GPC5: variants seen among roughly 807,000 people sequenced by gnomAD.
The protein encoded by GPC5 is glypican 5.
A neutral mutation model predicts 53.9 loss-of-function variants in GPC5; 47 were observed. The observed-to-expected ratio is 0.87, with a 90% CI of 0.69 to 1.11. GPC5 has a LOEUF of 1.11. Ranked by LOEUF, GPC5 falls within the 50% of genes most tolerant of loss-of-function variation. The pLI, the probability that GPC5 is intolerant of heterozygous loss-of-function variation, is 0.00. For missense variants in GPC5, 748 were observed against 713.1 expected (o/e 1.05, Z -0.56); for synonymous variants, 286 against 263.3 (o/e 1.09, Z -0.84).
chr13:91,603,202 G>A (rs117153965), intron 2 of GPC5, among the ~76,000 whole-genome samples: 6 of 152,208 alleles, frequency 3.9e-5, no homozygotes, highest in African/African-American at 9.6e-5. Flanking sequence ...TGTTTGAACC[G>A]TTTCTCATCC....
In GPC5 at chr13:92,084,808, G is replaced by A. The variant is rs145630693; in HGVS notation, c.1402-60022G>A. The stretch of plus-strand genomic sequence containing the variant: ...AACATGAGTGTTTTCCTTGTCATTG[G>A]TGTGGTACCTTGCATTTTCAAGTTG... On this transcript the variant is annotated intron_variant, in intron 6 of 7. Coordinates refer to ENST00000377067, the MANE Select transcript of GPC5 (RefSeq NM_004466.6). Among the ~76,000 whole-genome samples the A allele has an allele frequency of 2.1e-3, 320 of 152,250 alleles. 2 individuals carry two copies. The highest frequency in any genetic ancestry group is 7.3e-3 in the African/African-American group (302 of 41,540).
intron 7 of GPC5, among the ~76,000 whole-genome samples, chr13:92,416,297 G>A (rs1876287185): frequency 6.6e-6 from 1 of 152,166 alleles, no homozygotes; most frequent in South Asian, 2.1e-4. Context: ...TTTGAAGAAA[G>A]AAGGGATAGT....
In GPC5 at chr13:92,866,513, G is replaced by T; in HGVS notation, c.*74G>T. 8.5e-7 allele frequency: 1 copy of T among 1,176,760 alleles called. No individual in the cohort carries two copies. Among genetic ancestry groups the T allele is most frequent in the Non-Finnish European group, 1.1e-6 (1 of 871,126 alleles). The allele number at this position is 1,176,760 out of a possible 1,614,324, so 72.9% of individuals were successfully genotyped here. On this transcript the variant is annotated 3_prime_UTR_variant, in exon 8 of 8. Coordinates refer to ENST00000377067, the MANE Select transcript of GPC5 (RefSeq NM_004466.6). Reference sequence around the variant, plus strand: ...CTCTCTGCATATGCCTGGAATAAGAGATCCTTTTTCAATGTAACAATTATA... The same window carrying T: ...CTCTCTGCATATGCCTGGAATAAGATATCCTTTTTCAATGTAACAATTATA...
At chr13:91,676,139 T>G (rs934597163) in intron 2 of GPC5, among the ~76,000 whole-genome samples, 12 of 152,132 alleles carry the variant, frequency 7.9e-5, no homozygotes, top group Non-Finnish European at 1.8e-4. Context: ...GGCACAATCT[T>G]GGCTCACTGC....
chr13:92,758,545 G>T (rs971328689), intron 7 of GPC5, among the ~76,000 whole-genome samples: 1 of 152,062 alleles, frequency 6.6e-6, no homozygotes, highest in Non-Finnish European at 1.5e-5. Flanking sequence ...TATTATCATG[G>T]GCCGAAAATT....
chr13:92,461,083 A>T (rs535055596), intron 7 of GPC5, among the ~76,000 whole-genome samples: 1 of 152,290 alleles, frequency 6.6e-6, no homozygotes, highest in East Asian at 1.9e-4. Flanking sequence ...CTGAAAATCC[A>T]TTAAGAGCAT....
chr13:92,185,696 T>G (rs1205055122), intron 7 of GPC5, among the ~76,000 whole-genome samples: 1 of 152,194 alleles, frequency 6.6e-6, no homozygotes, highest in Non-Finnish European at 1.5e-5. Context: ...ATAGTGTATC[T>G]TCAACTTAAC....
At chr13:92,612,453 A>G (rs1028612395) in intron 7 of GPC5, among the ~76,000 whole-genome samples, 1 of 152,102 alleles carries the variant, frequency 6.6e-6, no homozygotes, top group Admixed American at 6.6e-5. Context: ...ATATAAATAA[A>G]GGAATAAGTT....
intron 7 of GPC5, among the ~76,000 whole-genome samples, chr13:92,424,648 A>ATT (rs59016705): frequency 6.7e-6 from 1 of 148,710 alleles, no homozygotes; most frequent in African/African-American, 2.5e-5. Flanking sequence ...TGATCTCTGT[A>ATT]TTTTTTTTTT....
intron 1 of GPC5, among the ~76,000 whole-genome samples, chr13:91,405,191 A>G (rs1003963592): frequency 4.6e-5 from 7 of 152,174 alleles, no homozygotes; most frequent in African/African-American, 1.7e-4. Context: ...ACATTACTAT[A>G]CGTTAGGGTT....
chr13:92,135,270 A>G (rs2041774893), intron 6 of GPC5, among the ~76,000 whole-genome samples: 1 of 152,092 alleles, frequency 6.6e-6, no homozygotes, highest in Admixed American at 6.6e-5. Flanking sequence ...GTTTTCATAT[A>G]GATGTTTCAC....
intron 6 of GPC5, among the ~76,000 whole-genome samples, chr13:92,104,430 A>C (rs1242599996): frequency 1.3e-5 from 2 of 152,068 alleles, no homozygotes; most frequent in Non-Finnish European, 2.9e-5. Flanking sequence ...GAATAAGTGG[A>C]TTTTGAGAGG....
chr13:92,543,007 G>GCTTCCTAA (rs2139004413), intron 7 of GPC5, among the ~76,000 whole-genome samples: 1 of 151,928 alleles, frequency 6.6e-6, no homozygotes, highest in South Asian at 2.1e-4. Flanking sequence ...CCTAAATCTA[G>GCTTCCTAA]ATGCCCATAT....
chr13:92,455,113 T>C (rs985156259), intron 7 of GPC5, among the ~76,000 whole-genome samples: 24 of 152,252 alleles, frequency 1.6e-4, no homozygotes, highest in African/African-American at 5.5e-4. Context: ...ACCCAGGAAG[T>C]AGGCTGCAAT....
At chr13:92,656,096 A>G (rs1321175364) in intron 7 of GPC5, among the ~76,000 whole-genome samples, 2 of 152,166 alleles carry the variant, frequency 1.3e-5, no homozygotes, top group African/African-American at 2.4e-5. Context: ...ATGTTCAGCT[A>G]TACACTGAAG....
chr13:92,159,747 C>T (rs919524144), intron 7 of GPC5, among the ~76,000 whole-genome samples: 11 of 150,506 alleles, frequency 7.3e-5, no homozygotes, highest in Non-Finnish European at 1.3e-4. Context: ...GGACTACAGG[C>T]GCCCGTCACC....
chr13:91,483,660 TA>T (rs1167113423), intron 2 of GPC5, among the ~76,000 whole-genome samples: 3 of 152,068 alleles, frequency 2.0e-5, no homozygotes, highest in East Asian at 1.9e-4. Flanking sequence ...AATTTGGATT[TA>T]AAAAAATATT....
At chr13:92,123,724 T>C (rs2041670174) in intron 6 of GPC5, among the ~76,000 whole-genome samples, 1 of 152,214 alleles carries the variant, frequency 6.6e-6, no homozygotes, top group Admixed American at 6.5e-5. Flanking sequence ...TGACAAAATT[T>C]ATGAATGCCC....
chr13:92,283,908 A>G (rs2042934304), intron 7 of GPC5, among the ~76,000 whole-genome samples: 1 of 152,260 alleles, frequency 6.6e-6, no homozygotes, highest in Admixed American at 6.5e-5. Flanking sequence ...GAACTGAAGG[A>G]GATAGAGACA....
Sources: gnomAD v4.1 joint callset for allele counts (sites outside exome capture counted in the v4.1 genomes callset) on GRCh38, gnomAD v4.1.1 for gene constraint, MANE v1.5 for transcripts, NCBI Gene and HGNC (gene_info 2026-07-23, HGNC 2026-07-21) for gene names.